TMCO4: variants seen among roughly 807,000 people sequenced by gnomAD.
The protein encoded by TMCO4 is transmembrane and coiled-coil domains 4.
TMCO4 carries 58 observed loss-of-function variants against 64.7 expected under a neutral mutation model. The observed-to-expected ratio is 0.90, with a 90% confidence interval of 0.73 to 1.12. The LOEUF (loss-of-function observed/expected upper bound fraction) is 1.12, where lower values mean the gene tolerates loss of function less well. Among genes scored for constraint, TMCO4 ranks in the 50% most tolerant of loss-of-function variants. The pLI is 0.00. For missense variants in TMCO4, 780 were observed against 825.9 expected, an observed-to-expected ratio of 0.94 and a Z score of 0.68; for synonymous variants, 325 against 346.1, an observed-to-expected ratio of 0.94 and a Z score of 0.68.
At chr1:19,746,748 C>T (rs2041805162) in intron 8 of TMCO4, 149 bp from the exon 9 acceptor site, 2 of 1,075,850 alleles carry the variant, frequency 1.9e-6, no homozygotes, top group Non-Finnish European at 2.6e-6. Flanking sequence ...CACGGTGAAA[C>T]CTCATCTCTA....
chr1:19,735,287 G>A (rs1258719498), intron 13 of TMCO4, among the ~76,000 whole-genome samples: 1 of 152,190 alleles, frequency 6.6e-6, no homozygotes, highest in African/African-American at 2.4e-5. Flanking sequence ...GATCCTTTGA[G>A]ATAAGTGTAC....
chr1:19,792,677 C>T lies in TMCO4; in HGVS notation c.-101+5460G>A, dbSNP rs954938956. 2.6e-5 allele frequency among the ~76,000 whole-genome samples: 4 copies of T among 151,442 alleles called. No homozygotes were observed. The South Asian group carries it at 8.3e-4, about 32-fold the overall frequency. On this transcript the variant is annotated intron_variant, in intron 2 of 15. Transcript: ENST00000294543. ...ATGTGGGCCTTTAGAAGATCACATGCAAGAATGAACTTTTGTTTTTTCTTT... is the reference window on the plus strand; with the variant it reads ...ATGTGGGCCTTTAGAAGATCACATGTAAGAATGAACTTTTGTTTTTTCTTT...
chr1:19,705,988 C>T (rs2095301376), intron 13 of TMCO4, among the ~76,000 whole-genome samples: 1 of 152,070 alleles, frequency 6.6e-6, no homozygotes, highest in African/African-American at 2.4e-5. Context: ...GCAGCCTCGA[C>T]CTCACAGGCT....
intron 13 of TMCO4, among the ~76,000 whole-genome samples, chr1:19,703,778 C>T (rs934992317): frequency 6.6e-6 from 1 of 152,052 alleles, no homozygotes; most frequent in African/African-American, 2.4e-5. Context: ...AAACTCCCGA[C>T]CTCAGGTGAT....
At chr1:19,790,057 G>GA (rs545785612) in intron 2 of TMCO4, among the ~76,000 whole-genome samples, 338 of 85,348 alleles carry the variant, frequency 4.0e-3, no homozygotes, top group Middle Eastern at 0.03. Flanking sequence ...CTCTGCCTCA[G>GA]AAAAAAAAAA....
At chr1:19,695,028 C>A (rs1352219982) in intron 14 of TMCO4, among the ~76,000 whole-genome samples, 2 of 152,182 alleles carry the variant, frequency 1.3e-5, no homozygotes, top group Non-Finnish European at 2.9e-5. Flanking sequence ...ACTCTGGGGT[C>A]TAGGCGACCT....
intron 13 of TMCO4, among the ~76,000 whole-genome samples, chr1:19,715,869 T>C (rs2095353317): frequency 6.6e-6 from 1 of 152,184 alleles, no homozygotes; most frequent in South Asian, 2.1e-4. Context: ...CCATTCCCAT[T>C]AGAGACGGAG....
At chr1:19,742,676 C>T (rs963049516) in intron 10 of TMCO4, among the ~76,000 whole-genome samples, 1 of 152,208 alleles carries the variant, frequency 6.6e-6, no homozygotes, top group Admixed American at 6.5e-5. Context: ...ATGGCTTCCA[C>T]GGGTGTGACC....
At chr1:19,704,376 G>A (rs979217959) in intron 13 of TMCO4, among the ~76,000 whole-genome samples, 2 of 152,236 alleles carry the variant, frequency 1.3e-5, no homozygotes, top group African/African-American at 4.8e-5. Context: ...ATTTCCCTTG[G>A]AAGACGAGGA....
At chr1:19,740,015 G>C (rs2095472145) in intron 11 of TMCO4, 55 bp from the exon 12 acceptor site, 1 of 1,549,276 alleles carries the variant, frequency 6.5e-7, no homozygotes. Context: ...GGTCCTACTA[G>C]GGAAGTGACT....
intron 6 of TMCO4, among the ~76,000 whole-genome samples, chr1:19,769,552 G>T (rs758364399): frequency 6.6e-6 from 1 of 152,174 alleles, no homozygotes; most frequent in Non-Finnish European, 1.5e-5. Context: ...CCTATTACAG[G>T]GTTTGGAGGA....
intron 4 of TMCO4, among the ~76,000 whole-genome samples, chr1:19,773,433 A>C (rs573901182): frequency 2.0e-5 from 3 of 152,300 alleles, no homozygotes; most frequent in Admixed American, 6.5e-5. Flanking sequence ...AACTGTCTCC[A>C]GCGGGGTGAG....
At chr1:19,728,744 G>A (rs557825978) in intron 13 of TMCO4, among the ~76,000 whole-genome samples, 6 of 152,116 alleles carry the variant, frequency 3.9e-5, no homozygotes, top group East Asian at 1.9e-4. Flanking sequence ...CCAACACTGG[G>A]GTTCTCACCC....
chr1:19,701,030 G>T, intron 13 of TMCO4, 145 bp from the exon 14 acceptor site: 1 of 653,944 alleles, frequency 1.5e-6, no homozygotes, highest in East Asian at 2.8e-5. Context: ...AAATGTGCAT[G>T]TACACACATG....
chr1:19,742,846 TCA>T (rs2095485905), intron 10 of TMCO4, among the ~76,000 whole-genome samples: 3 of 152,048 alleles, frequency 2.0e-5, no homozygotes, highest in Non-Finnish European at 4.4e-5. Context: ...GGTGAAGGGA[TCA>T]AGACCATCCT....
At chr1:19,769,790 C>T (rs1486820069) in intron 6 of TMCO4, among the ~76,000 whole-genome samples, 1 of 133,238 alleles carries the variant, frequency 7.5e-6, no homozygotes, top group African/African-American at 2.8e-5. Flanking sequence ...TGCAGGCATC[C>T]TGGAATGGTA....
intron 4 of TMCO4, among the ~76,000 whole-genome samples, chr1:19,779,544 G>T (rs2043360416): frequency 1.3e-5 from 2 of 152,198 alleles, no homozygotes; most frequent in African/African-American, 4.8e-5. Context: ...GGGAGGTACT[G>T]TCAATGATAG....
chr1:19,796,868 T>G (rs1018327359), intron 2 of TMCO4, among the ~76,000 whole-genome samples: 1 of 152,218 alleles, frequency 6.6e-6, no homozygotes, highest in African/African-American at 2.4e-5. Context: ...CCACCACGCC[T>G]GGCCTGTGAT....
At chr1:19,683,743 GTTCT>G (rs1468262213) in intron 15 of TMCO4, among the ~76,000 whole-genome samples, 1 of 139,236 alleles carries the variant, frequency 7.2e-6, no homozygotes, top group Non-Finnish European at 1.5e-5. Flanking sequence ...AGAAGCTCTC[GTTCT>G]TTGTCTGAAG....
Sources: gnomAD v4.1 joint callset for allele counts (sites outside exome capture counted in the v4.1 genomes callset) on GRCh38, gnomAD v4.1.1 for gene constraint, MANE v1.5 for transcripts, NCBI Gene and HGNC (gene_info 2026-07-23, HGNC 2026-07-21) for gene names.